The following ZDHHC2 variants were observed in gnomAD, a reference collection of about 807,000 sequenced individuals.
ZDHHC2 encodes palmitoyltransferase ZDHHC2.
A neutral mutation model predicts 55.6 loss-of-function variants in ZDHHC2; 51 were observed. The ratio of observed to expected loss-of-function variants is 0.92; its 90% confidence interval spans 0.73 to 1.16. The LOEUF (loss-of-function observed/expected upper bound fraction) is 1.16, where lower values mean the gene tolerates loss of function less well. Among genes scored for constraint, ZDHHC2 ranks in the 50% most tolerant of loss-of-function variants. The pLI, the probability that ZDHHC2 is intolerant of heterozygous loss-of-function variation, is 0.00. For missense variants in ZDHHC2, 491 were observed against 442.4 expected (o/e 1.11, Z -0.99); for synonymous variants, 199 against 152.9 (o/e 1.30, Z -2.22).
chr8:17,189,730 C>T (rs994770347), intron 3 of ZDHHC2, among the ~76,000 whole-genome samples: 9 of 152,104 alleles, frequency 5.9e-5, no homozygotes, highest in African/African-American at 1.7e-4. Flanking sequence ...ATGAAACACA[C>T]GGAAGAAAGA....
chr8:17,222,731 GAT>G lies in ZDHHC2; in HGVS notation c.*2511_*2512del. On this transcript the variant is annotated 3_prime_UTR_variant, in exon 13 of 13. Transcript: ENST00000262096. ...CCTAATATACCCTAATAAAGTGGTTGATCACCTACATTATCTGTCTATAAGAA... is the reference window on the plus strand; with the variant it reads ...CCTAATATACCCTAATAAAGTGGTTGCACCTACATTATCTGTCTATAAGAA... 1 of 1,504 alleles carries G rather than the reference GAT, an allele frequency of 6.6e-4. No homozygotes were observed. The highest frequency in any genetic ancestry group is 3.5e-3 in the Non-Finnish European group (1 of 282). 0.1% of individuals were successfully genotyped at this position (1,504 alleles called of 1,614,324 possible).
chr8:17,195,868 G>T (rs752250766), intron 4 of ZDHHC2, among the ~76,000 whole-genome samples: 1 of 152,174 alleles, frequency 6.6e-6, no homozygotes, highest in Non-Finnish European at 1.5e-5. Context: ...TGCCTACTTA[G>T]TTATGACTCA....
At chr8:17,167,625 A>T (rs1194436367) in intron 1 of ZDHHC2, among the ~76,000 whole-genome samples, 1 of 152,300 alleles carries the variant, frequency 6.6e-6, no homozygotes. Flanking sequence ...ATGGTTTCAC[A>T]TATAACAATA....
chr8:17,181,242 G>C (rs1444808380), intron 1 of ZDHHC2, among the ~76,000 whole-genome samples: 1 of 152,154 alleles, frequency 6.6e-6, no homozygotes, highest in Non-Finnish European at 1.5e-5. Context: ...GTCTAAGTCA[G>C]TCTCTTACTC....
intron 7 of ZDHHC2, among the ~76,000 whole-genome samples, chr8:17,206,637 A>C (rs1204133600): frequency 6.6e-6 from 1 of 152,164 alleles, no homozygotes; most frequent in Non-Finnish European, 1.5e-5. Flanking sequence ...TAATATCCTG[A>C]ATTTTTATTC....
chr8:17,196,857 G>A (rs1435151236), intron 4 of ZDHHC2, among the ~76,000 whole-genome samples: 1 of 151,870 alleles, frequency 6.6e-6, no homozygotes, highest in East Asian at 1.9e-4. Flanking sequence ...GCTACAGTGA[G>A]CTGAGATGAC....
At position 17,179,196 on chromosome 8, in the gene ZDHHC2, T is replaced by G. The variant is rs185692898; in HGVS notation, c.131-5593T>G. The stretch of plus-strand genomic sequence containing the variant: ...CAAACTCCTGGCCTCAAAACTATGC[T>G]CTCACCTTGGCCTCCCAAAGTGCTG... On this transcript the variant is annotated intron_variant, in intron 1 of 12. Transcript: ENST00000262096. Among the ~76,000 whole-genome samples the G allele has an allele frequency of 3.9e-5, 6 of 152,216 alleles. No individual in the cohort carries two copies. The East Asian group carries it at 1.2e-3, about 29-fold the overall frequency.
chr8:17,219,729 G>C (rs932931813), intron 12 of ZDHHC2, among the ~76,000 whole-genome samples: 1 of 152,062 alleles, frequency 6.6e-6, no homozygotes, highest in Non-Finnish European at 1.5e-5. Context: ...AGCTGAGATG[G>C]AGATCGCATC....
rs1468342212 is a variant in ZDHHC2 at position 17,156,867 on chromosome 8, C to G, written c.130+14C>G. On this transcript the variant is annotated intron_variant, in intron 1 of 12. Coordinates refer to ENST00000262096, the MANE Select transcript of ZDHHC2 (RefSeq NM_016353.5). ...AGCTGTGCATAGGTGAGTGCGCCCC[C>G]CGCCGCGGCGCCCCCAGCGCAGCGC... is the stretch of plus-strand genomic sequence containing the variant. 2.7e-6 allele frequency: 4 copies of G among 1,488,688 alleles called. No homozygotes were observed. Among genetic ancestry groups the G allele is most frequent in the Non-Finnish European group, 3.6e-6 (4 of 1,118,530 alleles). The allele number at this position is 1,488,688 out of a possible 1,614,324, so 92.2% of individuals were successfully genotyped here.
chr8:17,213,021 C>A (rs1807461679), intron 10 of ZDHHC2, among the ~76,000 whole-genome samples: 1 of 152,118 alleles, frequency 6.6e-6, no homozygotes, highest in African/African-American at 2.4e-5. Flanking sequence ...CTTTCACTTA[C>A]AATCCTCAGA....
chr8:17,210,131 C>G (rs1807303920), intron 9 of ZDHHC2, 73 bp downstream of exon 9: 10 of 1,481,576 alleles, frequency 6.7e-6, no homozygotes, highest in Non-Finnish European at 9.0e-6. Context: ...TCAGGAAAAG[C>G]CTCTAGTTCC....
chr8:17,191,182 A>G (rs1393049554), intron 3 of ZDHHC2, among the ~76,000 whole-genome samples: 1 of 151,782 alleles, frequency 6.6e-6, no homozygotes, highest in Admixed American at 6.6e-5. Context: ...GGCTGGTCTC[A>G]AACTCCTGAC....
chr8:17,192,406 C>T (rs1022354087), intron 3 of ZDHHC2, among the ~76,000 whole-genome samples: 39 of 152,190 alleles, frequency 2.6e-4, no homozygotes, highest in Middle Eastern at 3.4e-3. Flanking sequence ...ACCTGTTTGC[C>T]CTTTGTGTGT....
chr8:17,191,438 C>G (rs1190798291), intron 3 of ZDHHC2, among the ~76,000 whole-genome samples: 1 of 152,200 alleles, frequency 6.6e-6, no homozygotes, highest in Non-Finnish European at 1.5e-5. Flanking sequence ...TTACCGTTAA[C>G]TTTCCCCACT....
chr8:17,195,174 C>A (rs1031332739), intron 3 of ZDHHC2, among the ~76,000 whole-genome samples: 7 of 151,990 alleles, frequency 4.6e-5, no homozygotes, highest in South Asian at 2.1e-4. Flanking sequence ...ATTCATTGGG[C>A]CATCTTATCT....
chr8:17,162,115 T>A (rs1483883472), intron 1 of ZDHHC2, among the ~76,000 whole-genome samples: 2 of 152,234 alleles, frequency 1.3e-5, no homozygotes, highest in Admixed American at 1.3e-4. Context: ...GAGAAAGGAC[T>A]CTGCTTAATG....
chr8:17,156,627 G>GGAGCCCGTCCAGCCAGGGGTGCC lies in ZDHHC2; in HGVS notation c.-95_-73dup. The stretch of plus-strand genomic sequence containing the variant: ...CCGCAGCGCACCCCGCCGCCGCCCA[G>GGAGCCCGTCCAGCCAGGGGTGCC]GAGCCCGTCCAGCCAGGGGTGCCGG... On this transcript the variant is annotated 5_prime_UTR_variant, in exon 1 of 13. Coordinates refer to ENST00000262096, the MANE Select transcript of ZDHHC2 (RefSeq NM_016353.5). 1.0e-6 allele frequency: 1 copy of GGAGCCCGTCCAGCCAGGGGTGCC among 997,290 alleles called. No individual in the cohort carries two copies. Among genetic ancestry groups the GGAGCCCGTCCAGCCAGGGGTGCC allele is most frequent in the Non-Finnish European group, 1.2e-6 (1 of 820,968 alleles). 61.8% of individuals were successfully genotyped at this position (997,290 alleles called of 1,614,324 possible).
chr8:17,196,683 A>C (rs997957349), intron 4 of ZDHHC2, among the ~76,000 whole-genome samples: 40 of 152,108 alleles, frequency 2.6e-4, no homozygotes, highest in Middle Eastern at 3.4e-3. Context: ...CAGGTGGATC[A>C]CCTGAGGTCA....
At chr8:17,175,127 T>A (rs183345744) in intron 1 of ZDHHC2, among the ~76,000 whole-genome samples, 1 of 152,128 alleles carries the variant, frequency 6.6e-6, no homozygotes, top group Admixed American at 6.5e-5. Context: ...TATAGCTGTT[T>A]AGAGATGTGT....
Sources: allele counts gnomAD v4.1 joint callset (sites outside exome capture counted in the v4.1 genomes callset), GRCh38; gene constraint gnomAD v4.1.1; transcripts MANE v1.5; gene names NCBI Gene and HGNC (gene_info 2026-07-23, HGNC 2026-07-21).